Variants in PHACTR3 observed in about 807,000 individuals in gnomAD.
PHACTR3 encodes the protein protein phosphatase 1, regulatory subunit 123.
PHACTR3 carries 16 observed loss-of-function variants against 66.8 expected under a neutral mutation model. The observed-to-expected ratio is 0.24, with a 90% CI of 0.16 to 0.36. The LOEUF (loss-of-function observed/expected upper bound fraction) is 0.36. PHACTR3 is among the 10% of genes least tolerant of loss of function. PHACTR3 has a pLI of 1.00. For missense variants in PHACTR3, 647 were observed against 719.9 expected (o/e 0.90, Z 1.16); for synonymous variants, 323 against 292.1 (o/e 1.11, Z -1.08).
At chr20:59,763,521 A>AT (rs916736475) in intron 4 of PHACTR3, among the ~76,000 whole-genome samples, 2 of 152,178 alleles carry the variant, frequency 1.3e-5, no homozygotes, top group East Asian at 1.9e-4. Flanking sequence ...GCTCAGGAGA[A>AT]TTTTTTGTGG....
intron 1 of PHACTR3, among the ~76,000 whole-genome samples, chr20:59,726,464 T>G (rs1489967732): frequency 6.6e-6 from 1 of 152,142 alleles, no homozygotes; most frequent in Non-Finnish European, 1.5e-5. Context: ...CAAGCCAGAC[T>G]CAAGACGCAG....
intron 1 of PHACTR3, among the ~76,000 whole-genome samples, chr20:59,591,010 A>G (rs1040816972): frequency 6.6e-6 from 1 of 152,210 alleles, no homozygotes; most frequent in Non-Finnish European, 1.5e-5. Context: ...CTAAAATGAG[A>G]TGAAATTAAA....
intron 7 of PHACTR3, among the ~76,000 whole-genome samples, chr20:59,796,368 T>C (rs2041252782): frequency 6.6e-6 from 1 of 152,156 alleles, no homozygotes; most frequent in Admixed American, 6.5e-5. Context: ...TTAATCTTCA[T>C]ACTAGAGATT....
At chr20:59,805,974 C>G in intron 7 of PHACTR3, 67 bp from the exon 8 acceptor site, 1 of 1,525,178 alleles carries the variant, frequency 6.6e-7, no homozygotes, top group Non-Finnish European at 8.8e-7. Context: ...CATTGACAAG[C>G]CAGCCCTCCG....
At chr20:59,796,316 C>A (rs1355310894) in intron 7 of PHACTR3, among the ~76,000 whole-genome samples, 1 of 152,064 alleles carries the variant, frequency 6.6e-6, no homozygotes, top group Non-Finnish European at 1.5e-5. Flanking sequence ...TGTTTCTTAA[C>A]AACTTATTGT....
At chr20:59,846,109 C>T (rs2059141833) in intron 12 of PHACTR3, among the ~76,000 whole-genome samples, 1 of 152,162 alleles carries the variant, frequency 6.6e-6, no homozygotes, top group South Asian at 2.1e-4. Context: ...GCTTTGTCTT[C>T]TCCTTTATCT....
At chr20:59,751,398 C>T (rs940639700) in intron 3 of PHACTR3, among the ~76,000 whole-genome samples, 10 of 152,246 alleles carry the variant, frequency 6.6e-5, no homozygotes, top group South Asian at 2.1e-4. Context: ...TGAGCCCCCT[C>T]GAAACTCACA....
chr20:59,584,847 G>A (rs1043715233), intron 1 of PHACTR3, among the ~76,000 whole-genome samples: 1 of 152,114 alleles, frequency 6.6e-6, no homozygotes, highest in African/African-American at 2.4e-5. Flanking sequence ...TTTTCCCCCT[G>A]TAAGCTCTTA....
chr20:59,817,200 A>G (rs1239938516), intron 8 of PHACTR3, among the ~76,000 whole-genome samples: 1 of 152,220 alleles, frequency 6.6e-6, no homozygotes, highest in East Asian at 1.9e-4. Context: ...ACCTATTCAG[A>G]AGTGTATTTG....
intron 1 of PHACTR3, among the ~76,000 whole-genome samples, chr20:59,691,787 G>T (rs1472077199): frequency 6.6e-6 from 1 of 152,210 alleles, no homozygotes; most frequent in African/African-American, 2.4e-5. Flanking sequence ...GAGAGGATAT[G>T]ATTTTATCAA....
intron 1 of PHACTR3, among the ~76,000 whole-genome samples, chr20:59,606,311 C>G (rs562735902): frequency 5.3e-5 from 8 of 151,340 alleles, no homozygotes; most frequent in Non-Finnish European, 1.0e-4. Context: ...CCTCCCCCCC[C>G]CATTTGAAAA....
chr20:59,683,383 C>T (rs1053343603), intron 1 of PHACTR3, among the ~76,000 whole-genome samples: 3 of 152,152 alleles, frequency 2.0e-5, no homozygotes. Context: ...GAGGCCGCAG[C>T]TGAGCAGAAG....
intron 10 of PHACTR3, 119 bp from the exon 11 acceptor site, chr20:59,841,272 ATTTT>A (rs2059055760): frequency 3.1e-6 from 3 of 966,536 alleles, no homozygotes; most frequent in Middle Eastern, 3.4e-4. Context: ...TTTGGGTTAT[ATTTT>A]CCAGTTTCAG....
At chr20:59,713,226 T>G (rs2426820) in intron 1 of PHACTR3, among the ~76,000 whole-genome samples, 115,977 of 152,238 alleles carry the variant, frequency 0.76, 44,379 homozygotes, top group African/African-American at 0.82. Context: ...ACTTGAGTTT[T>G]TTTTTCTATC....
intron 7 of PHACTR3, among the ~76,000 whole-genome samples, chr20:59,790,789 A>G (rs542847661): frequency 2.6e-5 from 4 of 152,382 alleles, no homozygotes; most frequent in African/African-American, 7.2e-5. Flanking sequence ...ATACTGCAAA[A>G]TGTTAGCAGT....
chr20:59,723,061 T>TC (rs1491039464), intron 1 of PHACTR3, among the ~76,000 whole-genome samples: 1 of 12,038 alleles, frequency 8.3e-5, no homozygotes, highest in Non-Finnish European at 1.7e-4. Flanking sequence ...TCTTTCTTTC[T>TC]CTTTCTTTCT....
At chr20:59,783,315 C>A (rs1379289275) in intron 7 of PHACTR3, among the ~76,000 whole-genome samples, 2 of 152,194 alleles carry the variant, frequency 1.3e-5, no homozygotes, top group South Asian at 2.1e-4. Flanking sequence ...GGGCGTCTTG[C>A]AGCGGAGGCA....
intron 1 of PHACTR3, among the ~76,000 whole-genome samples, chr20:59,588,118 C>G (rs532776564): frequency 5.3e-5 from 8 of 152,308 alleles, no homozygotes; most frequent in African/African-American, 1.9e-4. Flanking sequence ...GCTGTCCTTA[C>G]TGTGGGTAAG....
intron 1 of PHACTR3, among the ~76,000 whole-genome samples, chr20:59,590,835 AAGGTGTGCAC>A (rs1333367899): frequency 6.6e-6 from 1 of 152,040 alleles, no homozygotes; most frequent in African/African-American, 2.4e-5. Flanking sequence ...TCACAAGCAA[AAGGTGTGCAC>A]AGGGGCTCCC....
Sources: allele counts gnomAD v4.1 joint callset (sites outside exome capture counted in the v4.1 genomes callset), GRCh38; gene constraint gnomAD v4.1.1; transcripts MANE v1.5; gene names NCBI Gene and HGNC (gene_info 2026-07-23, HGNC 2026-07-21).